Variants in HS3ST3B1 observed in about 807,000 individuals in gnomAD.
HS3ST3B1 encodes heparan sulfate-glucosamine 3-sulfotransferase 3B1, also known as heparan sulfate glucosamine 3-O-sulfotransferase 3B1.
In HS3ST3B1, 13 loss-of-function variants were observed where a neutral mutation model predicts 21.3. That is an observed-to-expected ratio of 0.61 (90% confidence interval 0.40 to 0.97). The LOEUF (loss-of-function observed/expected upper bound fraction) is 0.97, where lower values mean the gene tolerates loss of function less well. Ranked by LOEUF, HS3ST3B1 falls within the 50% of genes least tolerant of loss-of-function variation. The pLI is 0.00. For synonymous variants in HS3ST3B1, 234 were observed against 254.8 expected (o/e 0.92, Z 0.78); for missense variants, 459 against 554.8 (o/e 0.83, Z 1.73).
At chr17:14,316,689 G>A (rs559513290) in intron 1 of HS3ST3B1, among the ~76,000 whole-genome samples, 2 of 152,228 alleles carry the variant, frequency 1.3e-5, no homozygotes, top group South Asian at 2.1e-4. Context: ...AGCTGCAAAC[G>A]AAGCCAATAA....
intron 1 of HS3ST3B1, among the ~76,000 whole-genome samples, chr17:14,343,716 C>T (rs188020320): frequency 1.1e-4 from 17 of 152,274 alleles, no homozygotes; most frequent in Admixed American, 1.1e-3. Context: ...ATATACTACA[C>T]TTAAAAAATC....
chr17:14,302,086 CCAG>C lies in HS3ST3B1; in HGVS notation c.554+15_554+17del. ...CGCTTGGTACCGGTGAGTTTCCCTG[CCAG>C]GGGCAGGGTCTCCATCGTCGATTCA... On this transcript the variant is annotated intron_variant, in intron 1 of 1. Transcript: ENST00000360954. 6.3e-7 allele frequency: 1 copy of C among 1,585,184 alleles called. No homozygotes were observed. Among genetic ancestry groups the C allele is most frequent in the Non-Finnish European group, 8.5e-7 (1 of 1,171,168 alleles).
rs898156414 is a variant in HS3ST3B1 at position 14,301,655 on chromosome 17, T to A, written c.137T>A (p.Met46Lys). Residue 46 changes from methionine (M) to lysine (K), a missense_variant, in exon 1 of 2, where the codon ATG (methionine) becomes AAG (lysine). Physicochemically the swap from Met to Lys is moderately conservative, Grantham distance 95. Coordinates refer to ENST00000360954, the MANE Select transcript of HS3ST3B1 (RefSeq NM_006041.3). ...GCCATGCTCTGCGTCTGGCTCTATATGTTCCTGTACTCGTGCGCCGGCTCC... is the reference window on the plus strand; with the variant it reads ...GCCATGCTCTGCGTCTGGCTCTATAAGTTCCTGTACTCGTGCGCCGGCTCC... ...LFAMLCVWLY[M>K]FLYSCAGSCA... is the part of the protein sequence containing the mutation. 2.5e-6 allele frequency: 4 copies of A among 1,607,968 alleles called. No individual in the cohort carries two copies. Among genetic ancestry groups the A allele is most frequent in the Non-Finnish European group, 3.4e-6 (4 of 1,178,656 alleles).
At chr17:14,339,269 C>G (rs1910296780) in intron 1 of HS3ST3B1, among the ~76,000 whole-genome samples, 1 of 152,082 alleles carries the variant, frequency 6.6e-6, no homozygotes, top group Admixed American at 6.6e-5. Context: ...ACAATGGGAT[C>G]ATGTAAACCA....
At chr17:14,331,355 C>A (rs1389675222) in intron 1 of HS3ST3B1, among the ~76,000 whole-genome samples, 1 of 152,078 alleles carries the variant, frequency 6.6e-6, no homozygotes, top group Non-Finnish European at 1.5e-5. Context: ...GAAGCGGGGC[C>A]TATAACCGAG....
chr17:14,338,936 A>T (rs1284910946), intron 1 of HS3ST3B1, among the ~76,000 whole-genome samples: 2 of 152,108 alleles, frequency 1.3e-5, no homozygotes, highest in Non-Finnish European at 2.9e-5. Context: ...TTAATTAAAG[A>T]AGTAGGATCT....
intron 1 of HS3ST3B1, among the ~76,000 whole-genome samples, chr17:14,302,978 G>T (rs1308793319): frequency 6.6e-6 from 1 of 152,202 alleles, no homozygotes; most frequent in African/African-American, 2.4e-5. Flanking sequence ...TCTCGAGTCG[G>T]GTTGCGGGTC....
intron 1 of HS3ST3B1, among the ~76,000 whole-genome samples, chr17:14,310,525 A>T (rs1275333993): frequency 2.0e-5 from 3 of 152,244 alleles, no homozygotes; most frequent in Non-Finnish European, 4.4e-5. Context: ...GGAAGTGCAC[A>T]TAAGACGTTG....
chr17:14,343,511 T>G (rs1910454654), intron 1 of HS3ST3B1, among the ~76,000 whole-genome samples: 1 of 152,182 alleles, frequency 6.6e-6, no homozygotes, highest in South Asian at 2.1e-4. Context: ...CCAACCAGCC[T>G]CTGGTAACCA....
intron 1 of HS3ST3B1, chr17:14,329,341 G>GAAAGAAAGAA (rs1909913194): frequency 1.0e-5 from 1 of 100,126 alleles, no homozygotes; most frequent in Non-Finnish European, 2.0e-5. Context: ...AAGAAAGAAA[G>GAAAGAAAGAA]AAAGAAAGAA....
chr17:14,325,976 A>G (rs1410198350), intron 1 of HS3ST3B1, among the ~76,000 whole-genome samples: 1 of 152,166 alleles, frequency 6.6e-6, no homozygotes, highest in African/African-American at 2.4e-5. Flanking sequence ...GAGGACTGCT[A>G]TAGTAGATGG....
chr17:14,308,138 C>T (rs1909191790), intron 1 of HS3ST3B1, among the ~76,000 whole-genome samples: 1 of 152,184 alleles, frequency 6.6e-6, no homozygotes. Flanking sequence ...TATGCCAAAA[C>T]AAAACTAACA....
intron 1 of HS3ST3B1, among the ~76,000 whole-genome samples, chr17:14,320,078 A>C (rs1909613197): frequency 6.6e-6 from 1 of 152,164 alleles, no homozygotes; most frequent in Non-Finnish European, 1.5e-5. Flanking sequence ...GTGGGGCTTT[A>C]TGAGTGGAAG....
chr17:14,339,603 T>C (rs899474755), intron 1 of HS3ST3B1, among the ~76,000 whole-genome samples: 3 of 152,160 alleles, frequency 2.0e-5, no homozygotes, highest in Non-Finnish European at 4.4e-5. Context: ...GTGTCTTCAT[T>C]TGAATTGGAG....
At chr17:14,336,865 G>A (rs1910198674) in intron 1 of HS3ST3B1, among the ~76,000 whole-genome samples, 1 of 151,886 alleles carries the variant, frequency 6.6e-6, no homozygotes, top group Admixed American at 6.6e-5. Context: ...CATTTATAAA[G>A]AAAGGAGTTT....
chr17:14,313,095 T>TGG, intron 1 of HS3ST3B1, among the ~76,000 whole-genome samples: 1 of 109,634 alleles, frequency 9.1e-6, no homozygotes, highest in Non-Finnish European at 1.8e-5. Flanking sequence ...GTGTGTGTGG[T>TGG]GTGTGTGTGT....
intron 1 of HS3ST3B1, among the ~76,000 whole-genome samples, chr17:14,311,019 C>G (rs368327541): frequency 6.6e-6 from 1 of 152,008 alleles, no homozygotes; most frequent in Admixed American, 6.6e-5. Context: ...ATTTAAAATC[C>G]TTTTCTATAG....
intron 1 of HS3ST3B1, among the ~76,000 whole-genome samples, chr17:14,340,229 G>A (rs907049853): frequency 1.3e-4 from 20 of 152,254 alleles, no homozygotes; most frequent in African/African-American, 3.9e-4. Context: ...AAAGGCCCCT[G>A]ATAAGTCATT....
At chr17:14,314,273 C>G (rs1379563430) in intron 1 of HS3ST3B1, among the ~76,000 whole-genome samples, 1 of 152,236 alleles carries the variant, frequency 6.6e-6, no homozygotes, top group African/African-American at 2.4e-5. Flanking sequence ...GCCACCCTGC[C>G]TGGCCTGGGT....
Sources: allele counts gnomAD v4.1 joint callset (sites outside exome capture counted in the v4.1 genomes callset), GRCh38; gene constraint gnomAD v4.1.1; transcripts MANE v1.5; gene names NCBI Gene and HGNC (gene_info 2026-07-23, HGNC 2026-07-21).